KIR3DL2: variants seen among roughly 807,000 people sequenced by gnomAD.
KIR3DL2 encodes killer cell immunoglobulin like receptor, three Ig domains and long cytoplasmic tail 2, also known as killer cell immunoglobulin-like receptor 3DL2.
In KIR3DL2, 42 loss-of-function variants were observed where a neutral mutation model predicts 41.6. The observed-to-expected ratio is 1.01, with a 90% CI of 0.79 to 1.31. The LOEUF is 1.31. KIR3DL2 is among the 50% of genes most tolerant of loss of function. KIR3DL2 has a pLI of 0.00. For synonymous variants in KIR3DL2, 230 were observed against 221.3 expected (o/e 1.04, Z -0.35); for missense variants, 728 against 576.8 (o/e 1.26, Z -2.68).
intron 2 of KIR3DL2, 148 bp downstream of exon 2, chr19:54,851,403 C>A: frequency 1.2e-6 from 1 of 821,906 alleles, no homozygotes; most frequent in Non-Finnish European, 1.9e-6. Context: ...CTCGCCCTCC[C>A]TGGCCTTTCT....
Position 54,852,255 on chromosome 19 carries a change from A to T in KIR3DL2, c.328A>T (p.Ser110Cys). The stretch of plus-strand genomic sequence containing the variant: ...CTCCCTCACTGGGTGGTCGGCACCC[A>T]GCAACCCCCTGGTGATCATGGTCAC... Reference protein sequence around the residue: ...PHSLTGWSAPSNPLVIMVTGN... With the variant: ...PHSLTGWSAPCNPLVIMVTGN... Residue 110 changes from serine to cysteine, a missense_variant, in exon 3 of 9, where the codon AGC becomes TGC. Transcript: ENST00000326321. The T allele has an allele frequency of 6.2e-7, 1 of 1,609,544 alleles. No homozygotes were observed. Among genetic ancestry groups the T allele is most frequent in the Non-Finnish European group, 8.5e-7 (1 of 1,177,766 alleles).
In KIR3DL2 at chr19:54,859,149, T is replaced by C; in HGVS notation, c.1000+20T>C. On this transcript the variant is annotated intron_variant, in intron 6 of 8. Transcript: ENST00000326321. The stretch of plus-strand genomic sequence containing the variant: ...AATCTGGTGAGTAAAGGACCCCTCT[T>C]ATCTCTGCTTTTGGAAACCTGGGGA... 2 of 1,606,774 alleles carry C rather than the reference T, an allele frequency of 1.2e-6. No individual in the cohort carries two copies. The highest frequency in any genetic ancestry group is 8.5e-7 in the Non-Finnish European group (1 of 1,173,696).
chr19:54,865,114 G>A (rs4487030), intron 6 of KIR3DL2, among the ~76,000 whole-genome samples: 86,966 of 151,708 alleles, frequency 0.57, 25,562 homozygotes, highest in East Asian at 0.92. Context: ...TATTGAGATA[G>A]TCGTCCGGTT....
intron 1 of KIR3DL2, 51 bp from the exon 2 acceptor site, chr19:54,851,169 G>A: frequency 6.2e-7 from 1 of 1,603,570 alleles, no homozygotes; most frequent in Non-Finnish European, 8.5e-7. Flanking sequence ...GGGCAGCAGG[G>A]TGCCCTGGTT....
chr19:54,861,456 G>A (rs2065176623), intron 6 of KIR3DL2, among the ~76,000 whole-genome samples: 3 of 151,970 alleles, frequency 2.0e-5, no homozygotes, highest in Non-Finnish European at 4.4e-5. Flanking sequence ...GACCAGCCTG[G>A]CCAACATGGA....
rs1403125036 is a variant in KIR3DL2, at chr19:54,853,783, G to T, written c.392G>T (p.Gly131Val). ...HRKPSLLAHP[G>V]PLLKSGETVI... is the part of the protein sequence containing the mutation. The stretch of plus-strand genomic sequence containing the variant: ...AAACCTTCCCTCCTGGCCCACCCAG[G>T]GCCCCTGCTGAAATCAGGAGAGACA... Residue 131 changes from glycine (G) to valine (V), a missense_variant, in exon 4 of 9, where the codon GGG (glycine) becomes GTG (valine). Gly to Val is a moderately radical substitution (Grantham distance 109). Coordinates refer to ENST00000326321, the MANE Select transcript of KIR3DL2 (RefSeq NM_006737.4). 6 of 1,611,600 alleles carry T rather than the reference G, an allele frequency of 3.7e-6. No individual in the cohort carries two copies. Among genetic ancestry groups the T allele is most frequent in the Non-Finnish European group, 5.1e-6 (6 of 1,178,706 alleles).
At chr19:54,859,771 G>A (rs1197640023) in intron 6 of KIR3DL2, among the ~76,000 whole-genome samples, 6 of 151,858 alleles carry the variant, frequency 4.0e-5, no homozygotes, top group Non-Finnish European at 7.4e-5. Context: ...CATGTCACTG[G>A]GCTAAAATCA....
At chr19:54,855,237 G>A (rs2064648129) in intron 4 of KIR3DL2, among the ~76,000 whole-genome samples, 1 of 151,318 alleles carries the variant, frequency 6.6e-6, no homozygotes. Context: ...CATAGATATA[G>A]ATGACAGATA....
intron 5 of KIR3DL2, among the ~76,000 whole-genome samples, chr19:54,856,287 C>A (rs2064771226): frequency 1.3e-5 from 2 of 151,816 alleles, no homozygotes; most frequent in African/African-American, 4.9e-5. Context: ...GCAACCCCTA[C>A]ACTCTTTTCT....
rs1274291788 is a variant in KIR3DL2 at position 54,857,072 on chromosome 19, A to G, written c.949+1160A>G. Among the ~76,000 whole-genome samples the G allele has an allele frequency of 7.4e-5, 11 of 149,586 alleles. No individual in the cohort carries two copies. The South Asian group carries it at 2.3e-3, about 32-fold the overall frequency. On this transcript the variant is annotated intron_variant, in intron 5 of 8. Transcript: ENST00000326321. ...AAACCCAGTAGTGAAATTGCTGGAC[A>G]CTATGAAAGTTCTCTTTTTTTTTTT...
intron 5 of KIR3DL2, among the ~76,000 whole-genome samples, chr19:54,857,799 G>A (rs1450556913): frequency 1.3e-5 from 2 of 151,616 alleles, no homozygotes; most frequent in Non-Finnish European, 2.9e-5. Flanking sequence ...GCCCACCTCC[G>A]CCTCCCAAAG....
chr19:54,864,610 T>C (rs1489925621), intron 6 of KIR3DL2, among the ~76,000 whole-genome samples: 1 of 152,006 alleles, frequency 6.6e-6, no homozygotes, highest in Non-Finnish European at 1.5e-5. Context: ...TTTTATTCTC[T>C]TTGAAGCAAT....
intron 5 of KIR3DL2, 110 bp downstream of exon 5, chr19:54,856,022 A>C: frequency 1.5e-6 from 2 of 1,348,340 alleles, no homozygotes; most frequent in Non-Finnish European, 2.0e-6. Flanking sequence ...GAACACGAAG[A>C]CTGGGTGTGA....
chr19:54,852,494 G>A (rs1369190737), intron 3 of KIR3DL2, among the ~76,000 whole-genome samples: 1 of 151,568 alleles, frequency 6.6e-6, no homozygotes, highest in Non-Finnish European at 1.5e-5. Flanking sequence ...GACTATTTAT[G>A]TTATAGGGCA....
chr19:54,853,662 G>A (rs1183722282), intron 3 of KIR3DL2, 85 bp from the exon 4 acceptor site: 8 of 1,491,690 alleles, frequency 5.4e-6, no homozygotes, highest in South Asian at 1.1e-5. Context: ...ACAGACCTCT[G>A]GGAGGGGAAC....
intron 4 of KIR3DL2, 89 bp downstream of exon 4, chr19:54,854,135 A>G: frequency 1.4e-6 from 2 of 1,466,480 alleles, no homozygotes; most frequent in Admixed American, 1.7e-5. Context: ...CATGAGGAAG[A>G]TAAGCGTGGG....
At chr19:54,860,095 G>A (rs1601800478) in intron 6 of KIR3DL2, among the ~76,000 whole-genome samples, 1 of 152,032 alleles carries the variant, frequency 6.6e-6, no homozygotes, top group Admixed American at 6.6e-5. Flanking sequence ...AAGTTCAGCT[G>A]ACTAGCAACC....
chr19:54,859,442 G>A lies in KIR3DL2; in HGVS notation c.1000+313G>A, dbSNP rs150062968. ...CTAACTGGAGGATAAATTCCCGGGG[G>A]CTTGAGAGAGGGAAGGGAAGGGAAC... On this transcript the variant is annotated intron_variant, in intron 6 of 8. Coordinates refer to ENST00000326321, the MANE Select transcript of KIR3DL2 (RefSeq NM_006737.4). Among the ~76,000 whole-genome samples the A allele has an allele frequency of 4.6e-3, 624 of 134,514 alleles. 3 individuals carry two copies. Among genetic ancestry groups the A allele is most frequent in the South Asian group, 8.6e-3 (34 of 3,932 alleles). 88.2% of individuals were successfully genotyped at this position (134,514 alleles called of 152,430 possible).
intron 3 of KIR3DL2, 144 bp downstream of exon 3, chr19:54,852,426 T>G: frequency 9.3e-7 from 1 of 1,071,654 alleles, no homozygotes; most frequent in Non-Finnish European, 1.3e-6. Context: ...AAATGGGTGC[T>G]GTGGTGGGAA....
Sources: allele counts gnomAD v4.1 joint callset (sites outside exome capture counted in the v4.1 genomes callset), GRCh38; gene constraint gnomAD v4.1.1; transcripts MANE v1.5; gene names NCBI Gene and HGNC (gene_info 2026-07-23, HGNC 2026-07-21).